GPC6: variants seen among roughly 807,000 people sequenced by gnomAD.
GPC6 encodes the protein glypican 6.
In GPC6, 14 loss-of-function variants were observed where a neutral mutation model predicts 55.2. That is an observed-to-expected ratio of 0.25 (90% confidence interval 0.17 to 0.40). GPC6 has a LOEUF of 0.40. Among genes scored for constraint, GPC6 ranks in the 10% least tolerant of loss-of-function variants. The probability of loss-of-function intolerance (pLI) is 1.00; values close to 1 mark genes in which losing one functional copy is unlikely to be tolerated. For missense variants in GPC6, 641 were observed against 708.5 expected, an observed-to-expected ratio of 0.90 and a Z score of 1.08; for synonymous variants, 278 against 259.6, an observed-to-expected ratio of 1.07 and a Z score of -0.68.
intron 4 of GPC6, among the ~76,000 whole-genome samples, chr13:94,239,766 A>T (rs1055149032): frequency 6.6e-6 from 1 of 152,154 alleles, no homozygotes; most frequent in Admixed American, 6.5e-5. Flanking sequence ...TAGGAATTCT[A>T]TACAATATCT....
At chr13:93,555,845 AG>A (rs760176482) in intron 2 of GPC6, among the ~76,000 whole-genome samples, 41 of 152,294 alleles carry the variant, frequency 2.7e-4, no homozygotes, top group Non-Finnish European at 5.1e-4. Flanking sequence ...GAACTCAGAA[AG>A]GATCTCCTGT....
chr13:93,427,585 G>T (rs916609487), intron 1 of GPC6, among the ~76,000 whole-genome samples: 1 of 152,156 alleles, frequency 6.6e-6, no homozygotes, highest in African/African-American at 2.4e-5. Flanking sequence ...TTTTCAATGT[G>T]ATGTTTCACT....
chr13:93,872,582 G>A (rs1205506374), intron 3 of GPC6, among the ~76,000 whole-genome samples: 4 of 151,896 alleles, frequency 2.6e-5, no homozygotes, highest in Non-Finnish European at 5.9e-5. Flanking sequence ...AGCTGCTGGA[G>A]GACATCAGCA....
intron 1 of GPC6, among the ~76,000 whole-genome samples, chr13:93,322,328 A>G (rs1157111085): frequency 6.6e-6 from 1 of 151,182 alleles, no homozygotes; most frequent in African/African-American, 2.4e-5. Context: ...CAGTGTGTGT[A>G]TATGTGTCAA....
intron 1 of GPC6, among the ~76,000 whole-genome samples, chr13:93,359,724 G>A (rs1880980131): frequency 6.6e-6 from 1 of 152,190 alleles, no homozygotes; most frequent in African/African-American, 2.4e-5. Flanking sequence ...AATGTGAAAA[G>A]TCTGAGACAG....
chr13:93,991,270 A>G (rs1052761793), intron 3 of GPC6, among the ~76,000 whole-genome samples: 36 of 152,306 alleles, frequency 2.4e-4, no homozygotes, highest in African/African-American at 8.4e-4. Context: ...AATTTAAGAA[A>G]TATTGCTTAG....
chr13:93,308,201 C>A (rs1207649302), intron 1 of GPC6, among the ~76,000 whole-genome samples: 3 of 152,070 alleles, frequency 2.0e-5, no homozygotes, highest in African/African-American at 7.2e-5. Context: ...AGGAGAATGG[C>A]ATGAACCCGG....
intron 2 of GPC6, among the ~76,000 whole-genome samples, chr13:93,715,280 A>T (rs1443006615): frequency 1.3e-5 from 2 of 151,790 alleles, no homozygotes; most frequent in African/African-American, 4.8e-5. Flanking sequence ...CTACACAGCC[A>T]TAAAAAGAAT....
chr13:93,642,541 G>A (rs1394773221), intron 2 of GPC6, among the ~76,000 whole-genome samples: 4 of 152,008 alleles, frequency 2.6e-5, no homozygotes, highest in African/African-American at 9.7e-5. Context: ...TCAAATGGTA[G>A]TTCAACCCTT....
chr13:94,313,709 G>A (rs939881915), intron 6 of GPC6, among the ~76,000 whole-genome samples: 11 of 152,190 alleles, frequency 7.2e-5, no homozygotes, highest in African/African-American at 2.4e-4. Context: ...TTAAGTGTGA[G>A]TTATATTAAA....
intron 2 of GPC6, among the ~76,000 whole-genome samples, chr13:93,633,323 G>A (rs993286070): frequency 6.6e-6 from 1 of 152,124 alleles, no homozygotes; most frequent in Non-Finnish European, 1.5e-5. Context: ...TCTTTTGCCA[G>A]TGAAGAGGCA....
Position 93,743,369 on chromosome 13 carries a change from A to G in GPC6, c.320-86785A>G, listed in dbSNP as rs567695648. 2.1e-4 allele frequency among the ~76,000 whole-genome samples: 32 copies of G among 152,326 alleles called. No individual in the cohort carries two copies. The South Asian group carries it at 6.6e-3, about 32-fold the overall frequency. On this transcript the variant is annotated intron_variant, in intron 2 of 8. Coordinates refer to ENST00000377047, the MANE Select transcript of GPC6 (RefSeq NM_005708.5). ...AATGAAATAATAAAAAAATTAAAAA[A>G]CGATATAATGTGGCCAATACTATTC...
chr13:93,695,639 A>G (rs1882425368), intron 2 of GPC6, among the ~76,000 whole-genome samples: 2 of 152,260 alleles, frequency 1.3e-5, no homozygotes, highest in East Asian at 1.9e-4. Flanking sequence ...TTTAAAAAAT[A>G]TCTTTAAACA....
chr13:94,013,453 C>T (rs565398339), intron 3 of GPC6, among the ~76,000 whole-genome samples: 29 of 152,198 alleles, frequency 1.9e-4, no homozygotes, highest in African/African-American at 6.5e-4. Flanking sequence ...CAGGTTCAAG[C>T]GATTCTCCTG....
chr13:94,370,352 C>A (rs1879484009), intron 6 of GPC6, among the ~76,000 whole-genome samples: 2 of 152,144 alleles, frequency 1.3e-5, no homozygotes, highest in African/African-American at 4.8e-5. Flanking sequence ...ATATGTGCTC[C>A]CATAGCCCTT....
At chr13:93,742,630 C>T (rs1291469348) in intron 2 of GPC6, among the ~76,000 whole-genome samples, 1 of 152,170 alleles carries the variant, frequency 6.6e-6, no homozygotes, top group Non-Finnish European at 1.5e-5. Flanking sequence ...GAGAGGCTGA[C>T]ACCTCATGTC....
intron 3 of GPC6, among the ~76,000 whole-genome samples, chr13:93,954,206 T>C (rs898057453): frequency 7.2e-5 from 11 of 152,228 alleles, no homozygotes; most frequent in Admixed American, 7.2e-4. Flanking sequence ...TTTTATAATC[T>C]GCTATTTACA....
intron 1 of GPC6, among the ~76,000 whole-genome samples, chr13:93,356,205 A>T (rs549371748): frequency 2.0e-5 from 3 of 152,254 alleles, no homozygotes; most frequent in South Asian, 4.1e-4. Context: ...AAATAATATC[A>T]CCCATTTAGG....
intron 2 of GPC6, among the ~76,000 whole-genome samples, chr13:93,804,475 G>A (rs1175350082): frequency 6.6e-6 from 1 of 152,126 alleles, no homozygotes; most frequent in African/African-American, 2.4e-5. Flanking sequence ...TCACCTGTCG[G>A]TTCCAAATCT....
Sources: allele counts gnomAD v4.1 joint callset (sites outside exome capture counted in the v4.1 genomes callset), GRCh38; gene constraint gnomAD v4.1.1; transcripts MANE v1.5; gene names NCBI Gene and HGNC (gene_info 2026-07-23, HGNC 2026-07-21).